The following KLHL1 variants were observed in gnomAD, a reference collection of about 807,000 sequenced individuals.
KLHL1 encodes kelch-like protein 1.
Under a neutral mutation model 77.7 loss-of-function variants are expected in KLHL1, and 47 were observed. That is an observed-to-expected ratio of 0.60 (90% CI 0.48 to 0.77). KLHL1 has a LOEUF of 0.77. Ranked by LOEUF, KLHL1 falls within the 30% of genes least tolerant of loss-of-function variation. The pLI, the probability that KLHL1 is intolerant of heterozygous loss-of-function variation, is 0.00. For missense variants in KLHL1, 925 were observed against 910.8 expected (o/e 1.02, Z -0.20); for synonymous variants, 360 against 325.2 (o/e 1.11, Z -1.15).
chr13:69,779,207 C>T (rs1000968240), intron 7 of KLHL1, among the ~76,000 whole-genome samples: 1 of 152,090 alleles, frequency 6.6e-6, no homozygotes, highest in African/African-American at 2.4e-5. Flanking sequence ...TGAAAAGACA[C>T]CAGGGAATAC....
At chr13:69,970,115 G>A (rs1442060684) in intron 2 of KLHL1, among the ~76,000 whole-genome samples, 2 of 152,062 alleles carry the variant, frequency 1.3e-5, no homozygotes, top group East Asian at 3.9e-4. Context: ...GTTTTGTTCA[G>A]GCCTCTACAT....
chr13:69,860,837 C>G (rs1593896082), intron 5 of KLHL1, among the ~76,000 whole-genome samples: 2 of 151,046 alleles, frequency 1.3e-5, no homozygotes, highest in East Asian at 3.9e-4. Flanking sequence ...AATTAGATAT[C>G]TTTAGAATTA....
chr13:69,897,201 T>C (rs1248178017), intron 4 of KLHL1, among the ~76,000 whole-genome samples: 1 of 152,208 alleles, frequency 6.6e-6, no homozygotes, highest in Non-Finnish European at 1.5e-5. Flanking sequence ...TTCTCTTTAG[T>C]AAGTGCCTCT....
In KLHL1 at chr13:69,975,298, G is replaced by T. The variant is rs919743944; in HGVS notation, c.680+322C>A. 2.6e-5 allele frequency among the ~76,000 whole-genome samples: 4 copies of T among 151,896 alleles called. No individual in the cohort carries two copies. The East Asian group carries it at 7.7e-4, about 29-fold the overall frequency. On this transcript the variant is annotated intron_variant, in intron 2 of 10. Coordinates refer to ENST00000377844, the MANE Select transcript of KLHL1 (RefSeq NM_020866.3). ...GAATTAGCGTGCCTAAAATTAGTAT[G>T]ACTGTGAATCCCACAGTCCCAGATA... is the stretch of plus-strand genomic sequence containing the variant.
chr13:69,927,564 T>C (rs1882856586), intron 4 of KLHL1, among the ~76,000 whole-genome samples: 1 of 152,164 alleles, frequency 6.6e-6, no homozygotes, highest in African/African-American at 2.4e-5. Flanking sequence ...AACTAAGTAA[T>C]TTTTCAAAAC....
intron 5 of KLHL1, among the ~76,000 whole-genome samples, chr13:69,853,203 T>C (rs1196443272): frequency 6.6e-6 from 1 of 151,908 alleles, no homozygotes. Context: ...GTTACCCTAA[T>C]CCCCACATGT....
intron 1 of KLHL1, among the ~76,000 whole-genome samples, chr13:70,027,546 T>A (rs1372231): frequency 1.3e-5 from 2 of 151,772 alleles, no homozygotes; most frequent in African/African-American, 2.4e-5. Context: ...GGGAGAAAAC[T>A]ATAACAAAAG....
chr13:69,955,557 C>G lies in KLHL1; in HGVS notation c.817+5751G>C, dbSNP rs1056721907. ...TGTTAGTAACTCTGCAATTCCATCT[C>G]CCATATTTGTTAGAACTCTATTTTC... On this transcript the variant is annotated intron_variant, in intron 3 of 10. Transcript: ENST00000377844. 6.6e-5 allele frequency among the ~76,000 whole-genome samples: 10 copies of G among 151,156 alleles called. No individual in the cohort carries two copies. In the Admixed American group the frequency reaches 6.6e-4, roughly 10 times the overall value.
intron 6 of KLHL1, among the ~76,000 whole-genome samples, chr13:69,805,371 A>C: frequency 6.6e-6 from 1 of 152,024 alleles, no homozygotes; most frequent in Non-Finnish European, 1.5e-5. Flanking sequence ...GAAATGAGGA[A>C]GTACAAAAAG....
chr13:69,728,090 G>C (rs1452002489), intron 8 of KLHL1, among the ~76,000 whole-genome samples: 2 of 152,034 alleles, frequency 1.3e-5, no homozygotes, highest in Non-Finnish European at 2.9e-5. Context: ...CTCCTGAGCT[G>C]ATTAGTAGCC....
intron 7 of KLHL1, among the ~76,000 whole-genome samples, chr13:69,789,874 A>ACAT (rs1876779996): frequency 6.6e-6 from 1 of 152,166 alleles, no homozygotes; most frequent in Non-Finnish European, 1.5e-5. Flanking sequence ...GGTTGAAGCA[A>ACAT]CATTAAGTAA....
intron 7 of KLHL1, among the ~76,000 whole-genome samples, chr13:69,778,565 T>C (rs1325687693): frequency 4.6e-5 from 7 of 152,168 alleles, no homozygotes; most frequent in Admixed American, 2.6e-4. Flanking sequence ...GAGATATCTA[T>C]GGATTTCAGA....
chr13:70,020,359 T>G (rs1235522804), intron 1 of KLHL1, among the ~76,000 whole-genome samples: 1 of 152,156 alleles, frequency 6.6e-6, no homozygotes, highest in Non-Finnish European at 1.5e-5. Flanking sequence ...CTAATTCTTA[T>G]ATATAAACAT....
At chr13:70,005,623 T>G (rs1428852922) in intron 1 of KLHL1, among the ~76,000 whole-genome samples, 2 of 152,082 alleles carry the variant, frequency 1.3e-5, no homozygotes, top group Admixed American at 6.6e-5. Context: ...GTATTAATCA[T>G]ATGTACAAGA....
At chr13:69,871,757 A>T (rs1880596237) in intron 5 of KLHL1, among the ~76,000 whole-genome samples, 1 of 151,588 alleles carries the variant, frequency 6.6e-6, no homozygotes, top group Admixed American at 6.6e-5. Context: ...TGGTGGAACA[A>T]GGGTGACCTT....
chr13:69,977,257 CA>C (rs562153798), intron 1 of KLHL1, among the ~76,000 whole-genome samples: 11 of 151,954 alleles, frequency 7.2e-5, no homozygotes, highest in African/African-American at 2.2e-4. Flanking sequence ...ATATATGGAT[CA>C]CAATTATTAC....
chr13:69,857,903 G>A (rs1385761633), intron 5 of KLHL1, among the ~76,000 whole-genome samples: 1 of 151,380 alleles, frequency 6.6e-6, no homozygotes, highest in Non-Finnish European at 1.5e-5. Flanking sequence ...TACTCATCTG[G>A]GTAATTCCTG....
At position 69,839,219 on chromosome 13, in the gene KLHL1, C is replaced by T. The variant is rs974053784; in HGVS notation, c.1228-57G>A. ...GTTTTCAAAGAGATGAACATTATGT[C>T]ATTCCTTAAAACTAGAAGTTTAATG... On this transcript the variant is annotated intron_variant, in intron 5 of 10. Transcript: ENST00000377844. 1.6e-5 allele frequency: 19 copies of T among 1,207,738 alleles called. No individual in the cohort carries two copies. In the South Asian group the frequency reaches 2.3e-4, roughly 15 times the overall value. The allele number at this position is 1,207,738 out of a possible 1,614,324, so 74.8% of individuals were successfully genotyped here.
intron 1 of KLHL1, among the ~76,000 whole-genome samples, chr13:70,065,144 G>C (rs1470248965): frequency 6.6e-6 from 1 of 152,058 alleles, no homozygotes; most frequent in Non-Finnish European, 1.5e-5. Flanking sequence ...TTGAATATTG[G>C]CCTAACCACA....
Sources: allele counts gnomAD v4.1 joint callset (sites outside exome capture counted in the v4.1 genomes callset), GRCh38; gene constraint gnomAD v4.1.1; transcripts MANE v1.5; gene names NCBI Gene and HGNC (gene_info 2026-07-23, HGNC 2026-07-21).